FRMD3: variants seen among roughly 807,000 people sequenced by gnomAD.
The protein encoded by FRMD3 is FERM domain-containing protein 3.
In FRMD3, 33 loss-of-function variants were observed where a neutral mutation model predicts 70.2. That is an observed-to-expected ratio of 0.47 (90% confidence interval 0.36 to 0.63). The LOEUF is 0.63. Among genes scored for constraint, FRMD3 ranks in the 20% least tolerant of loss-of-function variants. FRMD3 has a pLI of 0.00. For synonymous variants in FRMD3, 279 were observed against 255.9 expected, an observed-to-expected ratio of 1.09 and a Z score of -0.86; for missense variants, 632 against 711.4, an observed-to-expected ratio of 0.89 and a Z score of 1.27.
chr9:83,467,391 AAC>A (rs1478870403), intron 1 of FRMD3, among the ~76,000 whole-genome samples: 1 of 152,160 alleles, frequency 6.6e-6, no homozygotes, highest in African/African-American at 2.4e-5. Context: ...AAGATAATAA[AAC>A]AGAGAGCTCT....
the FRMD3 span, among the ~76,000 whole-genome samples, chr9:83,577,146 C>A: frequency 2.0e-5 from 3 of 151,846 alleles, no homozygotes; most frequent in African/African-American, 4.8e-5. Flanking sequence ...ATGGCAATAC[C>A]CTCAAATTGA....
chr9:83,413,571 A>G (rs1826340264), intron 1 of FRMD3, among the ~76,000 whole-genome samples: 1 of 152,230 alleles, frequency 6.6e-6, no homozygotes, highest in East Asian at 1.9e-4. Context: ...GCACTCACCC[A>G]TCAGAGAATC....
intron 5 of FRMD3, among the ~76,000 whole-genome samples, chr9:83,337,504 T>C (rs886949699): frequency 6.6e-6 from 1 of 152,174 alleles, no homozygotes; most frequent in Non-Finnish European, 1.5e-5. Flanking sequence ...GAATACTTTC[T>C]ATTGGTTCCA....
the FRMD3 span, among the ~76,000 whole-genome samples, chr9:83,558,454 G>A: frequency 6.6e-6 from 1 of 152,128 alleles, no homozygotes; most frequent in Non-Finnish European, 1.5e-5. Context: ...ATCTGTATGT[G>A]CTGAAGAAAA....
chr9:83,540,814 A>C (rs1206018894), upstream of FRMD3, among the ~76,000 whole-genome samples: 1 of 152,232 alleles, frequency 6.6e-6, no homozygotes, highest in Admixed American at 6.5e-5. Flanking sequence ...AGCTCAAAGA[A>C]TATCTTGTTA....
intron 1 of FRMD3, among the ~76,000 whole-genome samples, chr9:83,438,968 C>G (rs1421764226): frequency 6.6e-6 from 1 of 152,148 alleles, no homozygotes; most frequent in Middle Eastern, 3.2e-3. Context: ...GAAGGAGAGG[C>G]CTGAAAACCC....
the FRMD3 span, among the ~76,000 whole-genome samples, chr9:83,583,393 A>G: frequency 3.9e-5 from 6 of 152,084 alleles, no homozygotes; most frequent in Non-Finnish European, 8.8e-5. Context: ...GCAATTTGTA[A>G]TGCAAAAGCC....
chr9:83,455,341 C>T (rs991235497), intron 1 of FRMD3, among the ~76,000 whole-genome samples: 3 of 152,144 alleles, frequency 2.0e-5, no homozygotes, highest in African/African-American at 4.8e-5. Context: ...AATTGTATCT[C>T]CCAGAATTCC....
At chr9:83,273,435 T>TA (rs770318627) in intron 13 of FRMD3, among the ~76,000 whole-genome samples, 2 of 151,082 alleles carry the variant, frequency 1.3e-5, no homozygotes, top group Non-Finnish European at 2.9e-5. Flanking sequence ...GAAGGCAGCA[T>TA]ACTGGTTAAG....
intron 1 of FRMD3, among the ~76,000 whole-genome samples, chr9:83,420,312 T>C (rs1030227761): frequency 1.3e-5 from 2 of 152,188 alleles, no homozygotes; most frequent in Admixed American, 6.5e-5. Context: ...GGGGACCAGT[T>C]GGCTTCAGGG....
chr9:83,401,500 T>G (rs1185715842), intron 1 of FRMD3, among the ~76,000 whole-genome samples: 2 of 152,106 alleles, frequency 1.3e-5, no homozygotes, highest in African/African-American at 4.8e-5. Context: ...GGAGCCAAGA[T>G]ATATCAGTCA....
chr9:83,283,447 C>T (rs1303014294), intron 13 of FRMD3, among the ~76,000 whole-genome samples: 1 of 151,120 alleles, frequency 6.6e-6, no homozygotes, highest in Non-Finnish European at 1.5e-5. Context: ...AGGAGAATGG[C>T]GTGAACCCAG....
chr9:83,562,548 G>A, the FRMD3 span, among the ~76,000 whole-genome samples: 1 of 152,140 alleles, frequency 6.6e-6, no homozygotes, highest in South Asian at 2.1e-4. Flanking sequence ...AATAAATGCA[G>A]GAACATACGT....
the FRMD3 span, among the ~76,000 whole-genome samples, chr9:83,572,377 A>G: frequency 1.3e-5 from 2 of 152,238 alleles, no homozygotes; most frequent in African/African-American, 4.8e-5. Flanking sequence ...AGCATGTTCA[A>G]TTCATTCTTA....
chr9:83,522,721 G>A (rs368482855), intron 1 of FRMD3, among the ~76,000 whole-genome samples: 1 of 151,542 alleles, frequency 6.6e-6, no homozygotes, highest in Non-Finnish European at 1.5e-5. Context: ...CCGCCACCCC[G>A]CCCGGCTAAT....
At chr9:83,324,497 A>G (rs1835933333) in intron 6 of FRMD3, among the ~76,000 whole-genome samples, 2 of 152,170 alleles carry the variant, frequency 1.3e-5, no homozygotes, top group Non-Finnish European at 2.9e-5. Flanking sequence ...ATGCTCTTTT[A>G]CATATTATAC....
At chr9:83,395,315 A>C (rs1825781792) in intron 1 of FRMD3, among the ~76,000 whole-genome samples, 1 of 151,608 alleles carries the variant, frequency 6.6e-6, no homozygotes, top group Non-Finnish European at 1.5e-5. Flanking sequence ...CAAAGAACTC[A>C]ATTCTTTTTT....
Position 83,362,292 on chromosome 9 carries a change from T to C in FRMD3, c.295+10621A>G, listed in dbSNP as rs142962223. On this transcript the variant is annotated intron_variant, in intron 3 of 13. Transcript: ENST00000304195. ...GTTAGATTAGCCCCAAGGGGGATGTTGGAAAGCTAATGAATGAGACATAAA... is the reference window on the plus strand; with the variant it reads ...GTTAGATTAGCCCCAAGGGGGATGTCGGAAAGCTAATGAATGAGACATAAA... Among the ~76,000 whole-genome samples, 407 of 152,184 alleles carry C rather than the reference T, an allele frequency of 2.7e-3. 2 individuals carry two copies. Among genetic ancestry groups the C allele is most frequent in the Non-Finnish European group, 4.7e-3 (320 of 68,022 alleles).
intron 1 of FRMD3, among the ~76,000 whole-genome samples, chr9:83,501,282 AGAC>A (rs1311834159): frequency 6.6e-6 from 1 of 151,498 alleles, no homozygotes; most frequent in Non-Finnish European, 1.5e-5. Context: ...TGACAGAGCG[AGAC>A]TCCATCTCAA....
Sources: allele counts gnomAD v4.1 joint callset (sites outside exome capture counted in the v4.1 genomes callset), GRCh38; gene constraint gnomAD v4.1.1; transcripts MANE v1.5; gene names NCBI Gene and HGNC (gene_info 2026-07-23, HGNC 2026-07-21).